Variants in CSNK1G2 observed in about 807,000 individuals in gnomAD.
The protein encoded by CSNK1G2 is casein kinase I isoform gamma-2.
In CSNK1G2, 11 loss-of-function variants were observed where a neutral mutation model predicts 48.0. That is an observed-to-expected ratio of 0.23 (90% CI 0.14 to 0.38). The LOEUF (loss-of-function observed/expected upper bound fraction) is 0.38, where lower values mean the gene tolerates loss of function less well. Ranked by LOEUF, CSNK1G2 falls within the 10% of genes least tolerant of loss-of-function variation. The pLI is 1.00. For missense variants in CSNK1G2, 446 were observed against 595.5 expected (o/e 0.75, Z 2.61); for synonymous variants, 337 against 254.1 (o/e 1.33, Z -3.10).
intron 2 of CSNK1G2, among the ~76,000 whole-genome samples, chr19:1,972,192 G>A (rs1258291080): frequency 1.3e-5 from 2 of 152,208 alleles, no homozygotes; most frequent in Admixed American, 6.5e-5. Context: ...GCCGTCCATC[G>A]GAGGACACAC....
At chr19:1,976,483 C>G (rs2015759942) in intron 2 of CSNK1G2, among the ~76,000 whole-genome samples, 1 of 152,214 alleles carries the variant, frequency 6.6e-6, no homozygotes, top group African/African-American at 2.4e-5. Context: ...GCGGACAGGG[C>G]AGTGCCAGAA....
chr19:1,974,303 G>T (rs755980417), intron 2 of CSNK1G2, among the ~76,000 whole-genome samples: 1 of 152,142 alleles, frequency 6.6e-6, no homozygotes, highest in African/African-American at 2.4e-5. Flanking sequence ...TGGCAAGAAG[G>T]CATGGTGGAA....
chr19:1,966,233 T>C (rs4807182), intron 1 of CSNK1G2, among the ~76,000 whole-genome samples: 32,880 of 152,152 alleles, frequency 0.22, 5,959 homozygotes, highest in African/African-American at 0.5. Context: ...TTCTAGAGGC[T>C]GTGAAGGACA....
At chr19:1,942,090 C>T (rs1015069175) in intron 1 of CSNK1G2, among the ~76,000 whole-genome samples, 3 of 152,172 alleles carry the variant, frequency 2.0e-5, no homozygotes, top group Admixed American at 2.0e-4. Flanking sequence ...GTCTGATCCG[C>T]AGGGACCTGT....
chr19:1,980,246 C>G lies in CSNK1G2; in HGVS notation c.*43C>G, dbSNP rs201184910. 8 of 1,610,082 alleles carry G rather than the reference C, an allele frequency of 5.0e-6. No homozygotes were observed. The highest frequency in any genetic ancestry group is 5.9e-6 in the Non-Finnish European group (7 of 1,177,914). ...CCCCTGAATCTTCTCCGTGCAGCCC[C>G]TTGGGGCGCGACCTTGTGCGAGGCC... On this transcript the variant is annotated 3_prime_UTR_variant, in exon 12 of 12. Transcript: ENST00000255641.
At chr19:1,948,320 G>A (rs1430901032) in intron 1 of CSNK1G2, among the ~76,000 whole-genome samples, 2 of 152,112 alleles carry the variant, frequency 1.3e-5, no homozygotes, top group Admixed American at 6.5e-5. Context: ...TCAGGAGATC[G>A]AGACCATCCT....
At chr19:1,945,694 C>T (rs1291786130) in intron 1 of CSNK1G2, among the ~76,000 whole-genome samples, 1 of 152,086 alleles carries the variant, frequency 6.6e-6, no homozygotes, top group African/African-American at 2.4e-5. Context: ...TGGTGGCGTG[C>T]GCCCATAATC....
Position 1,959,899 on chromosome 19 carries a change from G to T in CSNK1G2, c.-265-9609G>T, listed in dbSNP as rs1317608615. Among the ~76,000 whole-genome samples, 2 of 151,112 alleles carry T rather than the reference G, an allele frequency of 1.3e-5. 1 individual carries two copies. The highest frequency in any genetic ancestry group is 2.9e-5 in the Non-Finnish European group (2 of 67,900). On this transcript the variant is annotated intron_variant, in intron 1 of 11. Transcript: ENST00000255641. Reference sequence around the variant, plus strand: ...TCCCCCAGCACCCGCCCCACCTTTAGTGCCACCCTGGGTCCCCACATCCCT... The same window carrying T: ...TCCCCCAGCACCCGCCCCACCTTTATTGCCACCCTGGGTCCCCACATCCCT...
rs767902578 is a variant in CSNK1G2, at chr19:1,979,581, G to A, written c.940G>A (p.Asp314Asn). 5.0e-6 allele frequency: 8 copies of A among 1,607,834 alleles called. No individual in the cohort carries two copies. Among genetic ancestry groups the A allele is most frequent in the South Asian group, 2.2e-5 (2 of 91,086 alleles). ...DYDYLRKLFT[D>N]LFDRSGFVFD... is the part of the protein sequence containing the mutation. ...TGACTACCTGCGGAAGCTCTTCACC[G>A]ACCTCTTCGACCGCAGTGGCTTCGT... The change falls in exon 9 of 12, where the codon GAC becomes AAC. Residue 314 changes from aspartate to asparagine, a missense_variant. Asp to Asn is a conservative substitution (Grantham distance 23). Around this residue, in one of 2 missense-constraint regions of CSNK1G2, gnomAD observed 188 missense variants for 179.6 expected, o/e 1.05. Transcript: ENST00000255641.
chr19:1,975,861 GC>G, intron 2 of CSNK1G2: 1 of 800,188 alleles, frequency 1.2e-6, no homozygotes, highest in Non-Finnish European at 1.5e-6. Context: ...CATGGAGAAA[GC>G]CCATCTCTAG....
At chr19:1,971,264 G>A (rs1021414032) in intron 2 of CSNK1G2, among the ~76,000 whole-genome samples, 3 of 152,312 alleles carry the variant, frequency 2.0e-5, no homozygotes, top group East Asian at 1.9e-4. Context: ...CCAGGAGGCC[G>A]GGGTTTGAGA....
chr19:1,979,860 C>T, intron 10 of CSNK1G2, 25 bp downstream of exon 10: 1 of 1,600,874 alleles, frequency 6.2e-7, no homozygotes. Flanking sequence ...GGACCGACCG[C>T]CCCAGGGAGG....
intron 1 of CSNK1G2, chr19:1,954,431 C>T (rs1438947958): frequency 7.9e-5 from 14 of 178,100 alleles, no homozygotes. Context: ...GCAGGGCCGG[C>T]CTGGACAGAG....
intron 1 of CSNK1G2, among the ~76,000 whole-genome samples, chr19:1,948,608 T>C (rs1455576712): frequency 6.6e-6 from 1 of 151,734 alleles, no homozygotes; most frequent in Non-Finnish European, 1.5e-5. Flanking sequence ...TATTTCGGTG[T>C]GGTCCTTAGA....
At chr19:1,979,452 C>T (rs1488446262) in intron 8 of CSNK1G2, 43 bp from the exon 9 acceptor site, 10 of 876,838 alleles carry the variant, frequency 1.1e-5, no homozygotes, top group Non-Finnish European at 1.2e-5. Flanking sequence ...CCCCACCCCC[C>T]ACCCCCACCC....
At chr19:1,947,334 C>A (rs1257205305) in intron 1 of CSNK1G2, among the ~76,000 whole-genome samples, 3 of 152,190 alleles carry the variant, frequency 2.0e-5, no homozygotes, top group African/African-American at 7.2e-5. Context: ...CCTTAGGGAC[C>A]TTGTTTCCCA....
rs756324100 is a variant in CSNK1G2 at position 1,978,410 on chromosome 19, G to T, written c.229-32G>T. On this transcript the variant is annotated intron_variant, in intron 3 of 11. Transcript: ENST00000255641. The surrounding 1 kb of genome is among the most constrained non-coding windows in gnomAD (Gnocchi z 7.3). ...CCCAGGGATTTCAGGGCAGCGACCC[G>T]GTCCCCTGGTGACTCGCTCTTGTGC... The T allele has an allele frequency of 2.5e-6, 4 of 1,611,296 alleles. No homozygotes were observed. Among genetic ancestry groups the T allele is most frequent in the African/African-American group, 2.7e-5 (2 of 74,834 alleles).
chr19:1,969,833 G>T lies in CSNK1G2; in HGVS notation c.61G>T (p.Ala21Ser). The change falls in exon 2 of 12, where the codon GCC becomes TCC. Residue 21 changes from alanine to serine, a missense_variant. By Grantham distance (99) the Ala-to-Ser change is moderately conservative (BLOSUM62 1). This residue lies in a region of CSNK1G2 where 258 missense variants were observed against 415.9 expected (regional missense o/e 0.62). Transcript: ENST00000255641. The stretch of plus-strand genomic sequence containing the variant: ...GGAGGAGGGCCGGAGAATGTCCAAG[G>T]CCGGCGGGGGCCGGAGCAGCCACGG... Reference protein sequence around the residue: ...ETEEGRRMSKAGGGRSSHGIR... With the variant: ...ETEEGRRMSKSGGGRSSHGIR... 1 of 1,310,236 alleles carries T rather than the reference G, an allele frequency of 7.6e-7. No homozygotes were observed. Among genetic ancestry groups the T allele is most frequent in the Non-Finnish European group, 9.8e-7 (1 of 1,020,972 alleles). The allele number at this position is 1,310,236 out of a possible 1,614,324, so 81.2% of individuals were successfully genotyped here.
At chr19:1,953,216 C>T (rs1389417688) in intron 1 of CSNK1G2, among the ~76,000 whole-genome samples, 3 of 152,184 alleles carry the variant, frequency 2.0e-5, no homozygotes, top group Non-Finnish European at 4.4e-5. Flanking sequence ...GCACGTTCCC[C>T]CCGCTGTCTG....
Sources: gnomAD v4.1 joint callset for allele counts (sites outside exome capture counted in the v4.1 genomes callset) on GRCh38, gnomAD v4.1.1 for gene constraint, gnomAD v4.1.1 regional missense constraint, Gnocchi (gnomAD v3.1) non-coding constraint, MANE v1.5 for transcripts, NCBI Gene and HGNC (gene_info 2026-07-23, HGNC 2026-07-21) for gene names.